Variants in HARS1 observed in about 807,000 individuals in gnomAD.
HARS1 encodes histidyl-tRNA synthetase 1.
In HARS1, 45 loss-of-function variants were observed where a neutral mutation model predicts 63.6. The observed-to-expected ratio is 0.71, with a 90% CI of 0.56 to 0.91. The LOEUF (loss-of-function observed/expected upper bound fraction) is 0.91. Among genes scored for constraint, HARS1 ranks in the 40% least tolerant of loss-of-function variants. HARS1 has a pLI of 0.00. For synonymous variants in HARS1, 205 were observed against 247.1 expected (o/e 0.83, Z 1.60); for missense variants, 508 against 643.2 (o/e 0.79, Z 2.27).
Position 140,674,667 on chromosome 5 carries a change from C to T in HARS1, c.1458+12G>A. 3 of 1,614,190 alleles carry T rather than the reference C, an allele frequency of 1.9e-6. No individual in the cohort carries two copies. The highest frequency in any genetic ancestry group is 2.5e-6 in the Non-Finnish European group (3 of 1,180,002). ...TTCTCTGTCCCTTAGCCTTCCTGCC[C>T]ACCTCCCTCACCTCTTCCCTGCTCG... On this transcript the variant is annotated intron_variant, in intron 12 of 12. Transcript: ENST00000504156.
At chr5:140,688,273 T>A (rs1054576387) in intron 2 of HARS1, among the ~76,000 whole-genome samples, 1 of 152,174 alleles carries the variant, frequency 6.6e-6, no homozygotes, top group African/African-American at 2.4e-5. Context: ...AACACTATAG[T>A]ATGGAAATTT....
At chr5:140,682,439 G>A (rs1758779382) in intron 3 of HARS1, among the ~76,000 whole-genome samples, 1 of 152,192 alleles carries the variant, frequency 6.6e-6, no homozygotes, top group Non-Finnish European at 1.5e-5. Context: ...GGTAGGAGAG[G>A]CAGTGGCCAG....
intron 2 of HARS1, among the ~76,000 whole-genome samples, chr5:140,686,127 G>A (rs1360549141): frequency 6.6e-6 from 1 of 151,636 alleles, no homozygotes; most frequent in East Asian, 2.0e-4. Flanking sequence ...TAGAGACGGG[G>A]TTCCACCATG....
chr5:140,682,792 G>A (rs1406131293), intron 3 of HARS1: 4 of 232,524 alleles, frequency 1.7e-5, no homozygotes, highest in South Asian at 3.0e-4. Flanking sequence ...ATTTATGTAC[G>A]TATGGTTTGC....
chr5:140,678,868 A>C, intron 5 of HARS1, 134 bp downstream of exon 5: 1 of 933,770 alleles, frequency 1.1e-6, no homozygotes, highest in Non-Finnish European at 1.6e-6. Context: ...CAAACAAAAA[A>C]ACCACCATAG....
chr5:140,675,409 T>C (rs1758306151), intron 10 of HARS1: 1 of 138,502 alleles, frequency 7.2e-6, no homozygotes, highest in Non-Finnish European at 1.5e-5. Context: ...ATGTAGTACC[T>C]TTTTTTTTTT....
intron 3 of HARS1, among the ~76,000 whole-genome samples, chr5:140,681,510 A>G (rs887105775): frequency 2.0e-5 from 3 of 152,196 alleles, no homozygotes; most frequent in African/African-American, 7.2e-5. Flanking sequence ...TCTACTAAAA[A>G]TAGAAAAATT....
Position 140,679,556 on chromosome 5 carries a change from G to A in HARS1, c.396+232C>T, listed in dbSNP as rs1758594689. 4.1e-6 allele frequency: 2 copies of A among 485,754 alleles called. No homozygotes were observed. Among genetic ancestry groups the A allele is most frequent in the Middle Eastern group, 5.3e-4 (1 of 1,886 alleles). The allele number at this position is 485,754 out of a possible 1,614,324, so 30.1% of individuals were successfully genotyped here. ...GGTATTCTGGAGCCAGGGGATGACT[G>A]TAGAGTTGGAACTGGGCCCTGACAT... On this transcript the variant is annotated intron_variant, in intron 4 of 12. Transcript: ENST00000504156. This position sits in a 1 kb window ranked among gnomAD's most constrained non-coding sequence, Gnocchi z 4.3.
At chr5:140,674,484 G>A (rs576949191) in intron 12 of HARS1, among the ~76,000 whole-genome samples, 156 bp from the exon 13 acceptor site, 2 of 152,278 alleles carry the variant, frequency 1.3e-5, no homozygotes, top group Admixed American at 1.3e-4. Context: ...TCTTGGGGGA[G>A]CCAACAAACC....
At chr5:140,688,220 A>G (rs1218139539) in intron 2 of HARS1, among the ~76,000 whole-genome samples, 1 of 152,256 alleles carries the variant, frequency 6.6e-6, no homozygotes, top group African/African-American at 2.4e-5. Flanking sequence ...TGAGTTTTCT[A>G]TTGTTAATAC....
At position 140,679,900 on chromosome 5, in the gene HARS1, T is replaced by TA. The variant is rs1224415874; in HGVS notation, c.301-18dup. 1 of 1,333,806 alleles carries TA rather than the reference T, an allele frequency of 7.5e-7. No homozygotes were observed. The highest frequency in any genetic ancestry group is 1.2e-5 in the South Asian group (1 of 84,240). The allele number at this position is 1,333,806 out of a possible 1,614,324, so 82.6% of individuals were successfully genotyped here. A position where few individuals can be genotyped will look rare whatever the true frequency, so the allele number is the denominator to read the frequency against. On this transcript the variant is annotated splice_polypyrimidine_tract_variant and intron_variant, in intron 3 of 12. Transcript: ENST00000504156. The surrounding 1 kb of genome is among the most constrained non-coding windows in gnomAD (Gnocchi z 4.3). ...CAGTGTTTCCTGGAGAAAACATAAA[T>TA]AAATGTGGTCATAATAATAAACATA...
rs1255236125 is a variant in HARS1 at position 140,674,261 on chromosome 5, C to A, written c.1526G>T (p.Cys509Phe). 1 of 1,598,302 alleles carries A rather than the reference C, an allele frequency of 6.3e-7. No individual in the cohort carries two copies. The highest frequency in any genetic ancestry group is 1.3e-5 in the African/African-American group (1 of 74,600). ...TCCTCTGATAGTTTGTTCAGTTCAGCAGATGCAGAGGGGCTGGCCTGTTCT... is the reference window on the plus strand; with the variant it reads ...TCCTCTGATAGTTTGTTCAGTTCAGAAGATGCAGAGGGGCTGGCCTGTTCT... ...KRRTGQPLCI[C>F] Residue 509 changes from cysteine to phenylalanine, a missense_variant, in exon 13 of 13, where the codon TGC becomes TTC. By Grantham distance (205) the Cys-to-Phe change is radical (BLOSUM62 -2). Transcript: ENST00000504156.
Position 140,679,047 on chromosome 5 carries a change from A to G in HARS1, c.477T>C (p.Asp159=), listed in dbSNP as rs750113259. The G allele has an allele frequency of 4.0e-5, 64 of 1,614,034 alleles. No individual in the cohort carries two copies. The Admixed American group carries it at 1.1e-3, about 27-fold the overall frequency. Residue 159 remains aspartate, a synonymous_variant, in exon 5 of 13, where the codon GAT becomes GAC. Coordinates refer to ENST00000504156, the MANE Select transcript of HARS1 (RefSeq NM_002109.6). The surrounding 1 kb of genome is among the most constrained non-coding windows in gnomAD (Gnocchi z 4.3). ...ATCGGCCACGGGTCATGGCTGGGTT[A>G]TCCCGCCGATATACCTTTGCTATGT... The part of the protein sequence containing the change: ...RYHIAKVYRR[D]NPAMTRGRYR...
chr5:140,683,885 C>A lies in HARS1; in HGVS notation c.181-666G>T, dbSNP rs879487328. On this transcript the variant is annotated intron_variant, in intron 2 of 12. Transcript: ENST00000504156. ...CCTGTAATCCCAGCTACTCAGGAGG[C>A]TCAAGGCAGGGAGAATCACTTGAAC... The A allele has an allele frequency of 2.6e-5, 4 of 152,180 alleles. No homozygotes were observed. The East Asian group carries it at 7.8e-4, about 30-fold the overall frequency. 9.4% of individuals were successfully genotyped at this position (152,180 alleles called of 1,614,324 possible). A position where few individuals can be genotyped will look rare whatever the true frequency, so the allele number is the denominator to read the frequency against.
chr5:140,690,934 T>G lies in HARS1; in HGVS notation c.101A>C (p.Glu34Ala). The change falls in exon 2 of 13, where the codon GAG (glutamate) becomes GCG (alanine). Residue 34 changes from glutamate to alanine, a missense_variant. This residue lies in a region of HARS1 where 105 missense variants were observed against 94.5 expected (regional missense o/e 1.11). Transcript: ENST00000504156. ...QKASAELIEE[E>A]VAKLLKLKAQ... ...CTTCAGTTTCAGGAGTTTCGCCACCTCCTCCTCGATCTGTGGAGGGAAAGA... is the reference window on the plus strand; with the variant it reads ...CTTCAGTTTCAGGAGTTTCGCCACCGCCTCCTCGATCTGTGGAGGGAAAGA... 1 of 1,594,038 alleles carries G rather than the reference T, an allele frequency of 6.3e-7. No individual in the cohort carries two copies. The highest frequency in any genetic ancestry group is 1.3e-5 in the African/African-American group (1 of 74,642).
In HARS1 at chr5:140,674,739, G is replaced by C. The variant is rs766088180; in HGVS notation, c.1398C>G (p.Ile466Met). The change falls in exon 12 of 13, where the codon ATC becomes ATG. Residue 466 changes from isoleucine (I) to methionine (M), a missense_variant. By Grantham distance (10) the Ile-to-Met change is conservative. Around this residue, in one of 2 missense-constraint regions of HARS1, gnomAD observed 403 missense variants for 548.7 expected, o/e 0.73. Coordinates refer to ENST00000504156, the MANE Select transcript of HARS1 (RefSeq NM_002109.6). ...CCCCATCCTTGAGTTCCTGCTCGCC[G>C]ATGATAGCCACCAGTGGGATGCCTG... ...EEAGIPLVAI[I>M]GEQELKDGVI... 6.2e-7 allele frequency: 1 copy of C among 1,614,172 alleles called. No individual in the cohort carries two copies. Among genetic ancestry groups the C allele is most frequent in the East Asian group, 2.2e-5 (1 of 44,888 alleles).
chr5:140,679,939 A>G lies in HARS1; in HGVS notation c.301-56T>C. On this transcript the variant is annotated intron_variant, in intron 3 of 12. Coordinates refer to ENST00000504156, the MANE Select transcript of HARS1 (RefSeq NM_002109.6). This position sits in a 1 kb window ranked among gnomAD's most constrained non-coding sequence, Gnocchi z 4.3. ...ATAATAAACATAACAATTTAAAAGG[A>G]AGTTTTGAAAACAAACATGACTGAT... 1 of 992,334 alleles carries G rather than the reference A, an allele frequency of 1.0e-6. No homozygotes were observed. Among genetic ancestry groups the G allele is most frequent in the Non-Finnish European group, 1.6e-6 (1 of 632,222 alleles). 61.5% of individuals were successfully genotyped at this position (992,334 alleles called of 1,614,324 possible).
intron 6 of HARS1, 31 bp downstream of exon 6, chr5:140,677,877 A>C (rs373991727): frequency 3.4e-5 from 51 of 1,498,410 alleles, no homozygotes; most frequent in Non-Finnish European, 2.7e-5. Context: ...GCCAGGCCCA[A>C]CTTTGCCCTC....
At position 140,677,091 on chromosome 5, in the gene HARS1, C is replaced by T. The variant is rs1488617759; in HGVS notation, c.849G>A (p.Leu283=). Residue 283 remains leucine (L), a synonymous_variant, in exon 9 of 13, where the codon CTG becomes CTA. Transcript: ENST00000504156. ...QHGGVSLVEQ[L]LQDPKLSQNK... is the part of the protein sequence containing the mutation. ...TTTGGGATAGTTTAGGATCCTGGAGCAGCTGTTCCACCAGGGATACCCCAC... is the reference window on the plus strand; with the variant it reads ...TTTGGGATAGTTTAGGATCCTGGAGTAGCTGTTCCACCAGGGATACCCCAC... The T allele has an allele frequency of 1.9e-6, 3 of 1,613,962 alleles. No individual in the cohort carries two copies. The highest frequency in any genetic ancestry group is 4.5e-5 in the East Asian group (2 of 44,888).
Sources: gnomAD v4.1 joint callset for allele counts (sites outside exome capture counted in the v4.1 genomes callset) on GRCh38, gnomAD v4.1.1 for gene constraint, gnomAD v4.1.1 regional missense constraint, Gnocchi (gnomAD v3.1) non-coding constraint, MANE v1.5 for transcripts, NCBI Gene and HGNC (gene_info 2026-07-23, HGNC 2026-07-21) for gene names.